IFT43: variants seen among roughly 807,000 people sequenced by gnomAD.
IFT43 encodes the protein intraflagellar transport 43.
Under a neutral mutation model 32.3 loss-of-function variants are expected in IFT43, and 33 were observed. The observed-to-expected ratio is 1.02, with a 90% CI of 0.77 to 1.37. IFT43 has a LOEUF of 1.37. Ranked by LOEUF, IFT43 falls within the 40% of genes most tolerant of loss-of-function variation. The pLI, the probability that IFT43 is intolerant of heterozygous loss-of-function variation, is 0.00. For missense variants in IFT43, 274 were observed against 265.9 expected (o/e 1.03, Z -0.21); for synonymous variants, 93 against 98.2 (o/e 0.95, Z 0.31).
At chr14:76,067,923 T>C (rs2037254525) in intron 5 of IFT43, among the ~76,000 whole-genome samples, 1 of 152,268 alleles carries the variant, frequency 6.6e-6, no homozygotes, top group African/African-American at 2.4e-5. Flanking sequence ...GAACAAAATG[T>C]ATCTGCAAGT....
At chr14:76,014,312 G>A (rs1315115607) in intron 2 of IFT43, among the ~76,000 whole-genome samples, 1 of 152,086 alleles carries the variant, frequency 6.6e-6, no homozygotes, top group Non-Finnish European at 1.5e-5. Context: ...ATAAAGAAAG[G>A]ATTAAAAATT....
intron 3 of IFT43, among the ~76,000 whole-genome samples, chr14:76,027,480 C>T (rs1048933966): frequency 6.6e-6 from 1 of 152,050 alleles, no homozygotes; most frequent in African/African-American, 2.4e-5. Flanking sequence ...GAGGCCGAGG[C>T]GGGTGGATCA....
intron 3 of IFT43, among the ~76,000 whole-genome samples, chr14:76,032,086 A>G (rs1038707277): frequency 2.6e-5 from 4 of 152,008 alleles, no homozygotes; most frequent in Admixed American, 1.3e-4. Flanking sequence ...CGTGCCTCCA[A>G]AGTCATCCCT....
intron 3 of IFT43, among the ~76,000 whole-genome samples, chr14:76,030,762 A>G (rs1177867959): frequency 6.6e-6 from 1 of 152,176 alleles, no homozygotes; most frequent in Non-Finnish European, 1.5e-5. Context: ...AATTTAATAC[A>G]CAATTACATT....
chr14:76,049,541 G>A (rs1054328847), intron 3 of IFT43, among the ~76,000 whole-genome samples: 1 of 151,538 alleles, frequency 6.6e-6, no homozygotes, highest in Non-Finnish European at 1.5e-5. Flanking sequence ...TAAAAAAAAT[G>A]TATTAAAACC....
rs143170588 is a variant in IFT43 at position 76,059,163 on chromosome 14, G to A, written c.249-164G>A. ...TCGCACAGCCTGTGCAACCACACAC[G>A]GCACACCCAGTGGCCTAATTAGGTT... is the stretch of plus-strand genomic sequence containing the variant. On this transcript the variant is annotated intron_variant, in intron 4 of 8. Coordinates refer to ENST00000314067, the MANE Select transcript of IFT43 (RefSeq NM_001102564.3). The A allele has an allele frequency of 7.1e-4, 1,103 of 1,546,630 alleles. 9 individuals are homozygous for A. The South Asian group carries it at 8.9e-3, about 13-fold the overall frequency.
At chr14:76,063,927 C>G (rs753298932) in intron 5 of IFT43, among the ~76,000 whole-genome samples, 19 of 152,104 alleles carry the variant, frequency 1.2e-4, no homozygotes, top group Non-Finnish European at 2.2e-4. Context: ...AGTAAGCTCC[C>G]CAGATGAATA....
intron 2 of IFT43, among the ~76,000 whole-genome samples, chr14:76,015,234 A>G (rs781702743): frequency 2.0e-5 from 3 of 152,178 alleles, no homozygotes; most frequent in Non-Finnish European, 4.4e-5. Flanking sequence ...AAATATTGCT[A>G]ATCCTTGGAC....
intron 3 of IFT43, among the ~76,000 whole-genome samples, chr14:76,035,982 C>A (rs2036590922): frequency 6.6e-6 from 1 of 152,194 alleles, no homozygotes. Context: ...TATTTAGTCT[C>A]AAGAAGATAT....
At chr14:75,991,951 CTT>C (rs1045098913) in intron 2 of IFT43, among the ~76,000 whole-genome samples, 1 of 152,108 alleles carries the variant, frequency 6.6e-6, no homozygotes, top group African/African-American at 2.4e-5. Flanking sequence ...GATCCCAAGA[CTT>C]GTGTGTGTGC....
intron 2 of IFT43, among the ~76,000 whole-genome samples, chr14:75,996,458 C>T (rs1363807481): frequency 6.6e-6 from 1 of 152,200 alleles, no homozygotes; most frequent in Non-Finnish European, 1.5e-5. Flanking sequence ...TTATCTGTAT[C>T]AAACGAGAAT....
rs142251648 is a variant in IFT43, at chr14:75,988,575, G to A, written c.55-310G>A. Among the ~76,000 whole-genome samples the A allele has an allele frequency of 6.3e-3, 960 of 152,236 alleles. 15 individuals are homozygous for A. Among genetic ancestry groups the A allele is most frequent in the African/African-American group, 0.022 (928 of 41,524 alleles). ...GCTCTGTCACCCAGGCTGGAGTGCAGTGGCACAATTTCGGCTCACTGCAAC... is the reference window on the plus strand; with the variant it reads ...GCTCTGTCACCCAGGCTGGAGTGCAATGGCACAATTTCGGCTCACTGCAAC... On this transcript the variant is annotated intron_variant, in intron 1 of 8. Coordinates refer to ENST00000314067, the MANE Select transcript of IFT43 (RefSeq NM_001102564.3).
chr14:76,058,428 G>A (rs945784651), intron 3 of IFT43: 4 of 511,394 alleles, frequency 7.8e-6, no homozygotes, highest in African/African-American at 5.8e-5. Flanking sequence ...AATCCAATTT[G>A]GAGTGAGGCT....
chr14:75,995,087 A>G (rs116859497), intron 2 of IFT43, among the ~76,000 whole-genome samples: 366 of 152,338 alleles, frequency 2.4e-3, no homozygotes, highest in Non-Finnish European at 3.7e-3. Context: ...CATTACATGC[A>G]GTGTCCTAGT....
chr14:76,083,979 C>T (rs778206926), downstream of IFT43: 41 of 459,524 alleles, frequency 8.9e-5, 1 homozygote, highest in South Asian at 6.2e-4. Context: ...CGTGGGTGCT[C>T]TGGGCCCTTT....
At chr14:76,079,009 G>A (rs1157860342) in intron 5 of IFT43, among the ~76,000 whole-genome samples, 1 of 152,138 alleles carries the variant, frequency 6.6e-6, no homozygotes, top group African/African-American at 2.4e-5. Flanking sequence ...TATTGGAATC[G>A]AGAGAAAGAC....
chr14:76,020,200 C>G (rs907819160), intron 2 of IFT43, among the ~76,000 whole-genome samples: 8 of 152,184 alleles, frequency 5.3e-5, no homozygotes, highest in African/African-American at 1.9e-4. Context: ...GTCTCTATCT[C>G]CTGACCTTGT....
chr14:76,013,915 A>G (rs1045350220), intron 2 of IFT43: 4 of 234,062 alleles, frequency 1.7e-5, no homozygotes, highest in Non-Finnish European at 3.7e-5. Flanking sequence ...TCACCCAAAC[A>G]ATGACAAAAA....
At chr14:76,044,498 A>G (rs1057401102) in intron 3 of IFT43, among the ~76,000 whole-genome samples, 3 of 152,146 alleles carry the variant, frequency 2.0e-5, no homozygotes, top group Non-Finnish European at 2.9e-5. Flanking sequence ...CTCAGAACCT[A>G]GTCGTTTTGG....
Sources: allele counts gnomAD v4.1 joint callset (sites outside exome capture counted in the v4.1 genomes callset), GRCh38; gene constraint gnomAD v4.1.1; transcripts MANE v1.5; gene names NCBI Gene and HGNC (gene_info 2026-07-23, HGNC 2026-07-21).